The following OPCML variants were observed in gnomAD, a reference collection of about 807,000 sequenced individuals.
The protein encoded by OPCML is opioid binding protein/cell adhesion molecule like, also known as opioid-binding protein/cell adhesion molecule.
Under a neutral mutation model 37.8 loss-of-function variants are expected in OPCML, and 13 were observed. The observed-to-expected ratio is 0.34, with a 90% CI of 0.22 to 0.55. The LOEUF (loss-of-function observed/expected upper bound fraction) is 0.55. Ranked by LOEUF, OPCML falls within the 20% of genes least tolerant of loss-of-function variation. OPCML has a pLI of 0.91. For missense variants in OPCML, 341 were observed against 435.6 expected, an observed-to-expected ratio of 0.78 and a Z score of 1.93; for synonymous variants, 176 against 168.8, an observed-to-expected ratio of 1.04 and a Z score of -0.33.
At chr11:133,072,797 G>C (rs1186338629) in intron 1 of OPCML, among the ~76,000 whole-genome samples, 2 of 152,236 alleles carry the variant, frequency 1.3e-5, no homozygotes, top group African/African-American at 4.8e-5. Context: ...CAAACACAAG[G>C]GGACTGTAAG....
chr11:133,247,597 T>TTCTTTCTTTCTTTCATCTG (rs1940983999), intron 1 of OPCML, among the ~76,000 whole-genome samples: 1 of 143,958 alleles, frequency 6.9e-6, no homozygotes, highest in Non-Finnish European at 1.5e-5. Context: ...CTGTCTTTCT[T>TTCTTTCTTTCTTTCATCTG]TCTTTCTTTC....
At chr11:132,889,717 A>G (rs971837403) in intron 2 of OPCML, among the ~76,000 whole-genome samples, 1 of 152,234 alleles carries the variant, frequency 6.6e-6, no homozygotes, top group African/African-American at 2.4e-5. Flanking sequence ...GAAAGGTAGC[A>G]GCATTGTAGA....
At chr11:132,516,987 T>G (rs1010040932) in intron 4 of OPCML, among the ~76,000 whole-genome samples, 2 of 152,134 alleles carry the variant, frequency 1.3e-5, no homozygotes, top group African/African-American at 4.8e-5. Context: ...GAAAAGTTAA[T>G]CAATGACTCC....
At chr11:132,556,426 G>A (rs981770360) in intron 3 of OPCML, among the ~76,000 whole-genome samples, 1 of 152,060 alleles carries the variant, frequency 6.6e-6, no homozygotes, top group Non-Finnish European at 1.5e-5. Flanking sequence ...TAAAATTTTA[G>A]AGCTACAAGA....
At chr11:133,157,588 C>T (rs1272571818) in intron 1 of OPCML, among the ~76,000 whole-genome samples, 1 of 152,144 alleles carries the variant, frequency 6.6e-6, no homozygotes, top group Non-Finnish European at 1.5e-5. Flanking sequence ...CTCTCTGCCA[C>T]CCCATCTCCT....
At chr11:132,844,644 G>T in intron 2 of OPCML, among the ~76,000 whole-genome samples, 1 of 152,150 alleles carries the variant, frequency 6.6e-6, no homozygotes, top group East Asian at 1.9e-4. Flanking sequence ...TAAAGGACCA[G>T]ATAATAAATA....
chr11:132,887,624 C>T (rs554249830), intron 2 of OPCML, among the ~76,000 whole-genome samples: 3 of 152,230 alleles, frequency 2.0e-5, no homozygotes, highest in African/African-American at 7.2e-5. Flanking sequence ...AGTATCTAAA[C>T]AAGAAAATAG....
At chr11:132,617,075 T>C (rs1939078161) in intron 3 of OPCML, among the ~76,000 whole-genome samples, 1 of 152,256 alleles carries the variant, frequency 6.6e-6, no homozygotes, top group South Asian at 2.1e-4. Flanking sequence ...AGCAGATCAA[T>C]GGCTGAAGTA....
intron 3 of OPCML, among the ~76,000 whole-genome samples, chr11:132,640,355 A>G (rs1940779802): frequency 6.6e-6 from 1 of 152,144 alleles, no homozygotes; most frequent in South Asian, 2.1e-4. Context: ...CTCCTAAATC[A>G]AGAATTTACT....
At chr11:133,085,591 G>A (rs960630126) in intron 1 of OPCML, among the ~76,000 whole-genome samples, 5 of 152,236 alleles carry the variant, frequency 3.3e-5, no homozygotes, top group Non-Finnish European at 7.3e-5. Context: ...GTAGCCTGAT[G>A]AATGTAATTT....
chr11:133,475,612 C>T (rs1947223263), intron 1 of OPCML, among the ~76,000 whole-genome samples: 1 of 152,192 alleles, frequency 6.6e-6, no homozygotes, highest in Non-Finnish European at 1.5e-5. Context: ...GGAACAATCT[C>T]TTTCCTTCAT....
intron 1 of OPCML, among the ~76,000 whole-genome samples, chr11:133,282,382 T>C (rs911201943): frequency 3.3e-5 from 5 of 152,210 alleles, no homozygotes; most frequent in African/African-American, 9.6e-5. Flanking sequence ...GTGCAGGCCA[T>C]AAGCCTTGGC....
intron 2 of OPCML, among the ~76,000 whole-genome samples, chr11:132,694,060 G>A (rs1943507670): frequency 6.6e-6 from 1 of 150,946 alleles, no homozygotes; most frequent in African/African-American, 2.4e-5. Context: ...CTGATTTCAT[G>A]TTCTTCCTAA....
intron 3 of OPCML, among the ~76,000 whole-genome samples, chr11:132,552,206 C>T (rs980874249): frequency 6.6e-6 from 1 of 152,116 alleles, no homozygotes; most frequent in Non-Finnish European, 1.5e-5. Context: ...GTTTTGGGAA[C>T]CACCTTTTGA....
chr11:132,942,118 G>T (rs927475556), intron 2 of OPCML, among the ~76,000 whole-genome samples: 1 of 152,178 alleles, frequency 6.6e-6, no homozygotes, highest in Non-Finnish European at 1.5e-5. Flanking sequence ...AGGGATAAAA[G>T]ATGATATCTG....
intron 1 of OPCML, among the ~76,000 whole-genome samples, chr11:133,210,910 C>T (rs1183640407): frequency 6.6e-6 from 1 of 152,098 alleles, no homozygotes; most frequent in Non-Finnish European, 1.5e-5. Context: ...TCTCTTGACA[C>T]TTATTGGTGC....
At chr11:133,325,188 T>A (rs1943419370) in intron 1 of OPCML, among the ~76,000 whole-genome samples, 1 of 152,176 alleles carries the variant, frequency 6.6e-6, no homozygotes, top group Admixed American at 6.5e-5. Flanking sequence ...CCCAGTACAT[T>A]CTCACTGTGC....
rs116553104 is a variant in OPCML at position 133,344,742 on chromosome 11, A to G, written c.61+187522T>C. 7.6e-4 allele frequency among the ~76,000 whole-genome samples: 115 copies of G among 152,252 alleles called. 1 individual carries two copies. The highest frequency in any genetic ancestry group is 2.5e-3 in the African/African-American group (104 of 41,544). On this transcript the variant is annotated intron_variant, in intron 1 of 7. Transcript: ENST00000524381. ...TAGGGGTTTGCTTGTCATTTTCTTT[A>G]ATGAAAGTATGAAAGAGAAGACCTA...
intron 1 of OPCML, among the ~76,000 whole-genome samples, chr11:133,518,425 TTGTG>T (rs1436304750): frequency 5.9e-5 from 9 of 151,362 alleles, no homozygotes; most frequent in Admixed American, 5.9e-4. Flanking sequence ...ATGGATGGGT[TTGTG>T]TGTAAGTGTG....
Sources: gnomAD v4.1 joint callset for allele counts (sites outside exome capture counted in the v4.1 genomes callset) on GRCh38, gnomAD v4.1.1 for gene constraint, MANE v1.5 for transcripts, NCBI Gene and HGNC (gene_info 2026-07-23, HGNC 2026-07-21) for gene names.